The following NRXN3 variants were observed in gnomAD, a reference collection of about 807,000 sequenced individuals.
NRXN3 encodes the protein neurexin III.
In NRXN3, 32 loss-of-function variants were observed where a neutral mutation model predicts 137.6. The observed-to-expected ratio is 0.23, with a 90% confidence interval of 0.18 to 0.31. The LOEUF (loss-of-function observed/expected upper bound fraction) is 0.31, where lower values mean the gene tolerates loss of function less well. Among genes scored for constraint, NRXN3 ranks in the 10% least tolerant of loss-of-function variants. NRXN3 has a pLI of 1.00. For synonymous variants in NRXN3, 798 were observed against 784.5 expected (o/e 1.02, Z -0.29); for missense variants, 1,574 against 2,062.5 (o/e 0.76, Z 4.59).
intron 4 of NRXN3, among the ~76,000 whole-genome samples, chr14:78,519,686 A>G (rs2096259767): frequency 6.6e-6 from 1 of 152,172 alleles, no homozygotes; most frequent in African/African-American, 2.4e-5. Flanking sequence ...GGAGTTAGCA[A>G]CTAACTGTCT....
rs1318720367 is a variant in NRXN3 at position 78,879,957 on chromosome 14, G to C, written c.2275+69613G>C. ...AAATGGGGGTAATAATATAAGAATT[G>C]GGCCGGGCGCGGTGGCTCACGCCTG... is the stretch of plus-strand genomic sequence containing the variant. On this transcript the variant is annotated intron_variant, in intron 10 of 20. Transcript: ENST00000335750. 1.3e-5 allele frequency among the ~76,000 whole-genome samples: 2 copies of C among 151,484 alleles called. 1 individual carries two copies. The highest frequency in any genetic ancestry group is 4.9e-5 in the African/African-American group (2 of 40,810).
chr14:79,727,850 G>C (rs755028232), intron 19 of NRXN3, among the ~76,000 whole-genome samples: 5 of 152,130 alleles, frequency 3.3e-5, no homozygotes, highest in Admixed American at 3.3e-4. Context: ...GAAATACCAG[G>C]TTACGAATGG....
At chr14:79,132,024 G>C (rs865851774) in intron 15 of NRXN3, among the ~76,000 whole-genome samples, 1 of 152,244 alleles carries the variant, frequency 6.6e-6, no homozygotes, top group Non-Finnish European at 1.5e-5. Context: ...GCAATGCCTC[G>C]CCCTGCTTCA....
intron 17 of NRXN3, among the ~76,000 whole-genome samples, chr14:79,672,101 G>A (rs1220726756): frequency 6.6e-6 from 1 of 152,040 alleles, no homozygotes; most frequent in Non-Finnish European, 1.5e-5. Flanking sequence ...AACAGGGCAT[G>A]CTTTTGGTCT....
At chr14:79,126,275 C>T (rs1248258337) in intron 15 of NRXN3, among the ~76,000 whole-genome samples, 7 of 152,102 alleles carry the variant, frequency 4.6e-5, no homozygotes, top group South Asian at 2.1e-4. Flanking sequence ...GCTGCACCCA[C>T]TAACTCGTCA....
rs557656704 is a variant in NRXN3 at position 78,254,996 on chromosome 14, G to A, written c.709+11194G>A. ...GGTATCTCATGTTTTTGGCACTGTT[G>A]GGCAGAAGTCTCCCAGGGAAAGGGC... is the stretch of plus-strand genomic sequence containing the variant. On this transcript the variant is annotated intron_variant, in intron 2 of 20. Coordinates refer to ENST00000335750, the MANE Select transcript of NRXN3 (RefSeq NM_001330195.2). Among the ~76,000 whole-genome samples, 12 of 151,848 alleles carry A rather than the reference G, an allele frequency of 7.9e-5. No homozygotes were observed. The South Asian group carries it at 2.5e-3, about 32-fold the overall frequency.
At chr14:78,252,171 T>A (rs549830921) in intron 2 of NRXN3, among the ~76,000 whole-genome samples, 47 of 143,006 alleles carry the variant, frequency 3.3e-4, no homozygotes, top group African/African-American at 1.2e-3. Flanking sequence ...TTTTTTTTTT[T>A]AAATCCTGGA....
At chr14:79,783,489 A>C (rs2099120297) in intron 19 of NRXN3, among the ~76,000 whole-genome samples, 1 of 152,188 alleles carries the variant, frequency 6.6e-6, no homozygotes, top group Non-Finnish European at 1.5e-5. Flanking sequence ...GTATATTTCT[A>C]GATTCCCATT....
At chr14:79,147,201 T>C (rs1489237328) in intron 15 of NRXN3, among the ~76,000 whole-genome samples, 1 of 152,228 alleles carries the variant, frequency 6.6e-6, no homozygotes. Context: ...GACTGCTGTG[T>C]GCAGAAGCCA....
chr14:78,711,295 TC>T lies in NRXN3; in HGVS notation c.1660+1641del, dbSNP rs376929713. Among the ~76,000 whole-genome samples, 685 of 152,130 alleles carry T rather than the reference TC, an allele frequency of 4.5e-3. 5 individuals are homozygous for T. The highest frequency in any genetic ancestry group is 0.041 in the East Asian group (210 of 5,176). ...TCTGTCTGTTCCTAATACAAATTTTTCTTTCAAACAATTTTGAACAAAGGGG... is the reference window on the plus strand; with the variant it reads ...TCTGTCTGTTCCTAATACAAATTTTTTTTCAAACAATTTTGAACAAAGGGG... On this transcript the variant is annotated intron_variant, in intron 7 of 20. Coordinates refer to ENST00000335750, the MANE Select transcript of NRXN3 (RefSeq NM_001330195.2).
At chr14:78,185,169 A>T in intron 1 of NRXN3, among the ~76,000 whole-genome samples, 1 of 152,308 alleles carries the variant, frequency 6.6e-6, no homozygotes, top group East Asian at 1.9e-4. Flanking sequence ...AATGGTTGAC[A>T]TTCTTTAGTG....
intron 8 of NRXN3, among the ~76,000 whole-genome samples, chr14:78,732,760 A>G (rs930943130): frequency 4.6e-5 from 7 of 152,220 alleles, no homozygotes. Context: ...CCAGAAAATC[A>G]TTAGCTTCAA....
At chr14:78,237,680 C>T (rs1006865559) in intron 1 of NRXN3, among the ~76,000 whole-genome samples, 1 of 152,182 alleles carries the variant, frequency 6.6e-6, no homozygotes, top group Non-Finnish European at 1.5e-5. Flanking sequence ...ATTGGAATGT[C>T]CCAGTTGACT....
chr14:79,073,777 T>C (rs2099691471), intron 15 of NRXN3, among the ~76,000 whole-genome samples: 1 of 152,186 alleles, frequency 6.6e-6, no homozygotes, highest in Admixed American at 6.5e-5. Flanking sequence ...CTATCAACTA[T>C]CAGTCTTTTG....
chr14:78,364,475 G>A (rs2085602144), intron 4 of NRXN3, among the ~76,000 whole-genome samples: 1 of 152,098 alleles, frequency 6.6e-6, no homozygotes, highest in African/African-American at 2.4e-5. Context: ...ATTTTATAAT[G>A]AAAAAGAAAA....
chr14:79,022,063 G>A (rs1238531972), intron 15 of NRXN3, among the ~76,000 whole-genome samples: 1 of 152,218 alleles, frequency 6.6e-6, no homozygotes, highest in East Asian at 1.9e-4. Context: ...TATATGTTAT[G>A]TGAAGTTGTT....
chr14:79,299,250 G>C, intron 15 of NRXN3, among the ~76,000 whole-genome samples: 1 of 152,048 alleles, frequency 6.6e-6, no homozygotes, highest in Non-Finnish European at 1.5e-5. Context: ...CTTGTAAATA[G>C]TGATCATGAT....
At chr14:79,098,040 A>T (rs1462263972) in intron 15 of NRXN3, among the ~76,000 whole-genome samples, 1 of 152,194 alleles carries the variant, frequency 6.6e-6, no homozygotes, top group Non-Finnish European at 1.5e-5. Context: ...GTCTCCTGGG[A>T]TGCTGCCTAA....
At chr14:78,821,028 A>C (rs2098949293) in intron 10 of NRXN3, among the ~76,000 whole-genome samples, 1 of 152,098 alleles carries the variant, frequency 6.6e-6, no homozygotes, top group Non-Finnish European at 1.5e-5. Flanking sequence ...AACCTTTATA[A>C]ATTTAGTTTT....
Sources: gnomAD v4.1 joint callset for allele counts (sites outside exome capture counted in the v4.1 genomes callset) on GRCh38, gnomAD v4.1.1 for gene constraint, MANE v1.5 for transcripts, NCBI Gene and HGNC (gene_info 2026-07-23, HGNC 2026-07-21) for gene names.